Variants in USO1 observed in about 807,000 individuals in gnomAD.
USO1 encodes general vesicular transport factor p115.
In USO1, 57 loss-of-function variants were observed where a neutral mutation model predicts 124.5. The ratio of observed to expected loss-of-function variants is 0.46; its 90% CI spans 0.37 to 0.57. USO1 has a LOEUF of 0.57. Ranked by LOEUF, USO1 falls within the 20% of genes least tolerant of loss-of-function variation. The pLI is 0.00. For synonymous variants in USO1, 369 were observed against 362.8 expected, an observed-to-expected ratio of 1.02 and a Z score of -0.19; for missense variants, 900 against 1,040.6, an observed-to-expected ratio of 0.86 and a Z score of 1.86.
intron 9 of USO1, among the ~76,000 whole-genome samples, chr4:75,784,324 T>G (rs1472308817): frequency 6.6e-6 from 1 of 152,232 alleles, no homozygotes; most frequent in Non-Finnish European, 1.5e-5. Flanking sequence ...CGGCCTACAC[T>G]GCTTTCTTAA....
Position 75,724,704 on chromosome 4 carries a change from G to A in USO1, c.-116G>A. On this transcript the variant is annotated 5_prime_UTR_variant, in exon 1 of 24. The change creates a premature stop within an existing upstream ORF in the 5' untranslated region. Coordinates refer to ENST00000514213, the MANE Select transcript of USO1 (RefSeq NM_003715.4). ...TGGCCGCCGAGTTGGAGGCGGTGGT[G>A]GCAGCAGTAGGAGTGTGTAGAGTGC... The A allele has an allele frequency of 9.8e-7, 1 of 1,022,634 alleles. No individual in the cohort carries two copies. 63.3% of individuals were successfully genotyped at this position (1,022,634 alleles called of 1,614,324 possible).
intron 4 of USO1, among the ~76,000 whole-genome samples, chr4:75,760,167 G>A (rs1392543982): frequency 1.3e-5 from 2 of 152,046 alleles, no homozygotes; most frequent in African/African-American, 2.4e-5. Flanking sequence ...AGCGGAGATC[G>A]CACCATTGTA....
At position 75,804,166 on chromosome 4, in the gene USO1, T is replaced by G; in HGVS notation, c.2019T>G (p.Val673=). The part of the protein sequence containing the change: ...DLQLEELRQQ[V]STLKCQNEQL... ...AACTTGAGGAATTAAGGCAGCAGGT[T>G]TCTACATTAAAATGTCAAAATGAAC... Residue 673 remains valine (V), a synonymous_variant, in exon 18 of 24, where the codon GTT becomes GTG. Coordinates refer to ENST00000514213, the MANE Select transcript of USO1 (RefSeq NM_003715.4). 1 of 1,613,522 alleles carries G rather than the reference T, an allele frequency of 6.2e-7. No individual in the cohort carries two copies. Among genetic ancestry groups the G allele is most frequent in the Non-Finnish European group, 8.5e-7 (1 of 1,179,710 alleles).
In USO1 at chr4:75,774,740, A is replaced by G; in HGVS notation, c.620A>G (p.Glu207Gly). ...GCAATCCAGAAAATTGTTGCTTTTG[A>G]AAATGCTTTCGAGAGACTACTGGAC... ...NGAIQKIVAFENAFERLLDII... is the reference protein window; with the variant it reads ...NGAIQKIVAFGNAFERLLDII... The change falls in exon 8 of 24, where the codon GAA becomes GGA. Residue 207 changes from glutamate (E) to glycine (G), a missense_variant. Physicochemically the swap from Glu to Gly is moderately conservative, Grantham distance 98. Transcript: ENST00000514213. 1 of 1,613,756 alleles carries G rather than the reference A, an allele frequency of 6.2e-7. No homozygotes were observed. The highest frequency in any genetic ancestry group is 8.5e-7 in the Non-Finnish European group (1 of 1,179,734).
intron 4 of USO1, among the ~76,000 whole-genome samples, chr4:75,761,289 G>T (rs890009198): frequency 6.6e-6 from 1 of 152,172 alleles, no homozygotes; most frequent in African/African-American, 2.4e-5. Flanking sequence ...GTGCATGCCT[G>T]TAGTGCCAAC....
chr4:75,799,775 CT>C (rs759052868), intron 14 of USO1, 43 bp downstream of exon 14: 1 of 1,601,790 alleles, frequency 6.2e-7, no homozygotes, highest in Non-Finnish European at 8.5e-7. Flanking sequence ...GTATTTATAT[CT>C]TTTTTAGTTT....
chr4:75,727,410 A>G (rs1474843177), intron 1 of USO1, among the ~76,000 whole-genome samples: 1 of 152,184 alleles, frequency 6.6e-6, no homozygotes, highest in African/African-American at 2.4e-5. Flanking sequence ...AAAATTGGAA[A>G]AGTAATTTGT....
chr4:75,725,026 C>G (rs1048079517), intron 1 of USO1, 141 bp downstream of exon 1: 5 of 846,032 alleles, frequency 5.9e-6, no homozygotes, highest in Admixed American at 2.8e-5. Context: ...GCCCTCCTTC[C>G]GCTCCTGAAA....
chr4:75,765,668 G>A (rs536740598), intron 4 of USO1, among the ~76,000 whole-genome samples: 2 of 144,268 alleles, frequency 1.4e-5, no homozygotes, highest in Non-Finnish European at 3.0e-5. Flanking sequence ...CCATTCATAA[G>A]TTCACCTTTG....
chr4:75,724,917 A>C, intron 1 of USO1, 32 bp downstream of exon 1: 1 of 1,611,612 alleles, frequency 6.2e-7, no homozygotes, highest in Non-Finnish European at 8.5e-7. Flanking sequence ...GGACTTGGGA[A>C]GGGGTCCGGG....
intron 1 of USO1, among the ~76,000 whole-genome samples, chr4:75,748,096 G>A (rs1409790070): frequency 6.6e-6 from 1 of 151,696 alleles, no homozygotes; most frequent in Non-Finnish European, 1.5e-5. Context: ...CAGTAGAGAC[G>A]GGGTTTCTCT....
At position 75,770,764 on chromosome 4, in the gene USO1, T is replaced by C; in HGVS notation, c.397-58T>C. 1.9e-6 allele frequency: 3 copies of C among 1,573,930 alleles called. No homozygotes were observed. The South Asian group carries it at 3.5e-5, about 19-fold the overall frequency. On this transcript the variant is annotated intron_variant, in intron 5 of 23. Transcript: ENST00000514213. ...TGGTAAAAGTTATTAGTGGAAAAAA[T>C]GTTTTTCTCGAAAATGTGAATTACA...
chr4:75,770,289 C>A, intron 4 of USO1, 150 bp from the exon 5 acceptor site: 1 of 559,080 alleles, frequency 1.8e-6, no homozygotes, highest in Non-Finnish European at 2.8e-6. Flanking sequence ...TATAGCTTTA[C>A]ATAATAATTG....
chr4:75,743,989 GATAGT>G (rs1275536160), intron 1 of USO1, among the ~76,000 whole-genome samples: 3 of 152,114 alleles, frequency 2.0e-5, no homozygotes, highest in Non-Finnish European at 4.4e-5. Flanking sequence ...TGTTAGCCAG[GATAGT>G]CTGGATCTCC....
In USO1 at chr4:75,801,217, T is replaced by C; in HGVS notation, c.1986+17T>C. 8.2e-6 allele frequency: 13 copies of C among 1,579,674 alleles called. No homozygotes were observed. The highest frequency in any genetic ancestry group is 1.1e-5 in the Non-Finnish European group (13 of 1,168,462). ...CGAGAGCAGGTAAGTACTAATGAAC[T>C]GTATATACCCTCTGATTACCAATAG... On this transcript the variant is annotated intron_variant, in intron 17 of 23. Coordinates refer to ENST00000514213, the MANE Select transcript of USO1 (RefSeq NM_003715.4).
At chr4:75,788,171 A>ATTTTTTTTTTTTTTT (rs11291010) in intron 10 of USO1, among the ~76,000 whole-genome samples, 1 of 123,250 alleles carries the variant, frequency 8.1e-6, no homozygotes, top group Non-Finnish European at 1.7e-5. Flanking sequence ...TTATTTATTT[A>ATTTTTTTTTTTTTTT]TTTTTTTTTT....
At chr4:75,799,214 T>G (rs1182583723) in intron 13 of USO1, among the ~76,000 whole-genome samples, 1 of 152,120 alleles carries the variant, frequency 6.6e-6, no homozygotes, top group Non-Finnish European at 1.5e-5. Flanking sequence ...AAGTAGAATT[T>G]TCCTTTTATC....
intron 4 of USO1, among the ~76,000 whole-genome samples, chr4:75,762,987 G>A (rs973293013): frequency 6.6e-6 from 1 of 152,190 alleles, no homozygotes; most frequent in African/African-American, 2.4e-5. Context: ...CAGTATAAAC[G>A]AAGATTATTT....
At chr4:75,803,238 G>C (rs115956985) in intron 17 of USO1, among the ~76,000 whole-genome samples, 4,122 of 152,038 alleles carry the variant, frequency 0.027, 70 homozygotes, top group Middle Eastern at 0.041. Context: ...GTAGCAATAT[G>C]GGGAAATTAT....
Sources: allele counts gnomAD v4.1 joint callset (sites outside exome capture counted in the v4.1 genomes callset), GRCh38; gene constraint gnomAD v4.1.1; transcripts MANE v1.5; gene names NCBI Gene and HGNC (gene_info 2026-07-23, HGNC 2026-07-21).